CDK5RAP2: variants seen among roughly 807,000 people sequenced by gnomAD.
The protein encoded by CDK5RAP2 is CDK5 regulatory subunit associated protein 2.
Under a neutral mutation model 232.9 loss-of-function variants are expected in CDK5RAP2, and 147 were observed. The ratio of observed to expected loss-of-function variants is 0.63; its 90% CI spans 0.55 to 0.72. The LOEUF is 0.72. CDK5RAP2 is among the 30% of genes least tolerant of loss of function. CDK5RAP2 has a pLI of 0.00. For missense variants in CDK5RAP2, 2,195 were observed against 2,231.5 expected, an observed-to-expected ratio of 0.98 and a Z score of 0.33; for synonymous variants, 833 against 833.7, an observed-to-expected ratio of 1.00 and a Z score of 0.01.
chr9:120,542,279 G>A (rs2041664824), intron 5 of CDK5RAP2, among the ~76,000 whole-genome samples: 1 of 152,134 alleles, frequency 6.6e-6, no homozygotes, highest in Admixed American at 6.5e-5. Context: ...CAATGCAGGG[G>A]GGATCACCTG....
At chr9:120,433,492 G>T (rs1293450171) in intron 25 of CDK5RAP2, among the ~76,000 whole-genome samples, 1 of 152,178 alleles carries the variant, frequency 6.6e-6, no homozygotes, top group Non-Finnish European at 1.5e-5. Flanking sequence ...AGAAACTGAG[G>T]CAAGGAATTA....
chr9:120,543,606 C>T (rs2041726017), intron 5 of CDK5RAP2, among the ~76,000 whole-genome samples: 1 of 152,214 alleles, frequency 6.6e-6, no homozygotes, highest in Non-Finnish European at 1.5e-5. Context: ...CCCCTGTAAT[C>T]CCAGTACTTT....
At chr9:120,542,948 C>T (rs1216650562) in intron 5 of CDK5RAP2, among the ~76,000 whole-genome samples, 1 of 152,124 alleles carries the variant, frequency 6.6e-6, no homozygotes, top group Non-Finnish European at 1.5e-5. Context: ...GGCATTTGGG[C>T]TGGGAGGAGG....
chr9:120,447,886 G>C lies in CDK5RAP2; in HGVS notation c.3025+9C>G. The C allele has an allele frequency of 6.3e-7, 1 of 1,595,468 alleles. No homozygotes were observed. Among genetic ancestry groups the C allele is most frequent in the Non-Finnish European group, 8.6e-7 (1 of 1,163,092 alleles). On this transcript the variant is annotated intron_variant, in intron 22 of 37. Transcript: ENST00000349780. Reference sequence around the variant, plus strand: ...AGCTCACAGGGAATACATTTTTCTTGGTGCTTACCATTCAGCAACGTTTTG... The same window carrying C: ...AGCTCACAGGGAATACATTTTTCTTCGTGCTTACCATTCAGCAACGTTTTG...
At chr9:120,410,331 C>G (rs1315999332) in intron 29 of CDK5RAP2, among the ~76,000 whole-genome samples, 1 of 152,194 alleles carries the variant, frequency 6.6e-6, no homozygotes, top group Non-Finnish European at 1.5e-5. Flanking sequence ...TTGCTAACCC[C>G]TGGGACTTTG....
chr9:120,468,009 G>A lies in CDK5RAP2; in HGVS notation c.1969-12C>T, dbSNP rs779799404. 1.9e-6 allele frequency: 3 copies of A among 1,613,690 alleles called. No homozygotes were observed. Among genetic ancestry groups the A allele is most frequent in the Non-Finnish European group, 2.5e-6 (3 of 1,179,752 alleles). On this transcript the variant is annotated splice_polypyrimidine_tract_variant and intron_variant, in intron 17 of 37. Coordinates refer to ENST00000349780, the MANE Select transcript of CDK5RAP2 (RefSeq NM_018249.6). ...ATAAGGTCACTGACCTAGGAGGTAAGAACAGGGAAAAGGCTGTCTACCCAG... is the reference window on the plus strand; with the variant it reads ...ATAAGGTCACTGACCTAGGAGGTAAAAACAGGGAAAAGGCTGTCTACCCAG...
intron 8 of CDK5RAP2, 24 bp from the exon 9 acceptor site, chr9:120,528,821 T>C: frequency 6.3e-7 from 1 of 1,575,512 alleles, no homozygotes; most frequent in East Asian, 2.2e-5. Context: ...TTAATTGGTG[T>C]GAAGAAGGGA....
chr9:120,550,295 C>A (rs573004478), intron 4 of CDK5RAP2, among the ~76,000 whole-genome samples: 21 of 152,282 alleles, frequency 1.4e-4, no homozygotes, highest in African/African-American at 4.6e-4. Flanking sequence ...CCAAAGGAAG[C>A]CTCAAGAAGA....
Position 120,541,781 on chromosome 9 carries a change from C to T in CDK5RAP2, c.384-2617G>A, listed in dbSNP as rs114462216. Among the ~76,000 whole-genome samples, 1,257 of 152,292 alleles carry T rather than the reference C, an allele frequency of 8.3e-3. 17 individuals carry two copies. The highest frequency in any genetic ancestry group is 0.028 in the African/African-American group (1,173 of 41,540). ...ATCAAATGCAATAAAGCCTGTCAAG[C>T]GCCAGATGCAGGATGTGGAACAAAG... On this transcript the variant is annotated intron_variant, in intron 5 of 37. Transcript: ENST00000349780.
At chr9:120,389,370 G>T in intron 37 of CDK5RAP2, 78 bp from the exon 38 acceptor site, 1 of 1,132,466 alleles carries the variant, frequency 8.8e-7, no homozygotes, top group Non-Finnish European at 1.3e-6. Context: ...AGAGGTGAAA[G>T]CGAGACTGTT....
At position 120,528,626 on chromosome 9, in the gene CDK5RAP2, G is replaced by C. The variant is rs1188082592; in HGVS notation, c.879+118C>G. ...GTACCTTATGCTTGACTGGCATACA[G>C]TAGCATTCAATGAGTGACAGCTACT... On this transcript the variant is annotated intron_variant, in intron 9 of 37. Coordinates refer to ENST00000349780, the MANE Select transcript of CDK5RAP2 (RefSeq NM_018249.6). The C allele has an allele frequency of 2.9e-5, 21 of 733,462 alleles. 2 individuals carry two copies. In the South Asian group the frequency reaches 3.1e-4, roughly 11 times the overall value. 45.4% of individuals were successfully genotyped at this position (733,462 alleles called of 1,614,324 possible).
intron 12 of CDK5RAP2, among the ~76,000 whole-genome samples, chr9:120,510,330 C>T (rs1214640169): frequency 6.6e-6 from 1 of 152,180 alleles, no homozygotes; most frequent in Non-Finnish European, 1.5e-5. Flanking sequence ...TACTGAAGCA[C>T]ACACTTGTCA....
rs1337795432 is a variant in CDK5RAP2 at position 120,437,475 on chromosome 9, G to C, written c.3775C>G (p.Gln1259Glu). The change falls in exon 25 of 38, where the codon CAG (glutamine) becomes GAG (glutamate). Residue 1259 changes from glutamine (Q) to glutamate (E), a missense_variant. Physicochemically the swap from Gln to Glu is conservative, Grantham distance 29 (BLOSUM62 2). Coordinates refer to ENST00000349780, the MANE Select transcript of CDK5RAP2 (RefSeq NM_018249.6). ...QARELSLQRQQIKDGHGICVI... is the reference protein window; with the variant it reads ...QARELSLQRQEIKDGHGICVI... ...CAGATGCCATGGCCATCCTTAATCTGCTGCCGTTGAAGGGAGAGCTCCCTG... is the reference window on the plus strand; with the variant it reads ...CAGATGCCATGGCCATCCTTAATCTCCTGCCGTTGAAGGGAGAGCTCCCTG... The C allele has an allele frequency of 6.2e-7, 1 of 1,613,984 alleles. No homozygotes were observed. Among genetic ancestry groups the C allele is most frequent in the Non-Finnish European group, 8.5e-7 (1 of 1,179,976 alleles).
At position 120,506,637 on chromosome 9, in the gene CDK5RAP2, G is replaced by A. The variant is rs144621776; in HGVS notation, c.1311+11790C>T. Among the ~76,000 whole-genome samples the A allele has an allele frequency of 2.6e-5, 4 of 152,280 alleles. No individual in the cohort carries two copies. In the East Asian group the frequency reaches 7.7e-4, roughly 29 times the overall value. On this transcript the variant is annotated intron_variant, in intron 12 of 37. Coordinates refer to ENST00000349780, the MANE Select transcript of CDK5RAP2 (RefSeq NM_018249.6). ...ACATTACAGGAGTTTGGAAGAATTT[G>A]ATTCCAACCCTCATGGATGACTTTG...
At chr9:120,514,439 A>C (rs969103154) in intron 12 of CDK5RAP2, among the ~76,000 whole-genome samples, 6 of 152,154 alleles carry the variant, frequency 3.9e-5, no homozygotes, top group African/African-American at 1.4e-4. Context: ...TTCTCAGTAC[A>C]TCACCCGTCT....
intron 13 of CDK5RAP2, 23 bp downstream of exon 13, chr9:120,491,284 T>A (rs750379516): frequency 1.9e-6 from 3 of 1,595,576 alleles, no homozygotes; most frequent in Non-Finnish European, 2.6e-6. Flanking sequence ...AATTAAAAAA[T>A]TTAAATACAA....
At chr9:120,454,836 A>G (rs1336504791) in intron 20 of CDK5RAP2, among the ~76,000 whole-genome samples, 2 of 152,230 alleles carry the variant, frequency 1.3e-5, no homozygotes, top group Non-Finnish European at 1.5e-5. Context: ...GAGGGTCCCC[A>G]GCAGTAACCA....
intron 23 of CDK5RAP2, among the ~76,000 whole-genome samples, chr9:120,440,822 A>G (rs2035857172): frequency 6.6e-6 from 1 of 152,200 alleles, no homozygotes; most frequent in Admixed American, 6.5e-5. Flanking sequence ...AAGCAACAGT[A>G]AAGAGTGGTA....
In CDK5RAP2 at chr9:120,450,331, T is replaced by G. The variant is rs1359697498; in HGVS notation, c.2794-2205A>C. 2.0e-5 allele frequency among the ~76,000 whole-genome samples: 3 copies of G among 152,142 alleles called. No homozygotes were observed. In the East Asian group the frequency reaches 5.8e-4, roughly 29 times the overall value. On this transcript the variant is annotated intron_variant, in intron 21 of 37. Coordinates refer to ENST00000349780, the MANE Select transcript of CDK5RAP2 (RefSeq NM_018249.6). ...AAATTGAAAGAGACACAAAGTAGATTCGTGGTTGCCTAGGGCTGGGGTGGG... is the reference window on the plus strand; with the variant it reads ...AAATTGAAAGAGACACAAAGTAGATGCGTGGTTGCCTAGGGCTGGGGTGGG...
Sources: gnomAD v4.1 joint callset for allele counts (sites outside exome capture counted in the v4.1 genomes callset) on GRCh38, gnomAD v4.1.1 for gene constraint, MANE v1.5 for transcripts, NCBI Gene and HGNC (gene_info 2026-07-23, HGNC 2026-07-21) for gene names.